The following PTPRD variants were observed in gnomAD, a reference collection of about 807,000 sequenced individuals.
PTPRD encodes the protein receptor-type tyrosine-protein phosphatase delta.
Under a neutral mutation model 214.5 loss-of-function variants are expected in PTPRD, and 34 were observed. The observed-to-expected ratio is 0.16, with a 90% confidence interval of 0.12 to 0.21. The LOEUF (loss-of-function observed/expected upper bound fraction) is 0.21. PTPRD is among the 10% of genes least tolerant of loss of function. The pLI, the probability that PTPRD is intolerant of heterozygous loss-of-function variation, is 1.00. For synonymous variants in PTPRD, 1,128 were observed against 845.7 expected, an observed-to-expected ratio of 1.33 and a Z score of -5.79; for missense variants, 2,545 against 2,398.7, an observed-to-expected ratio of 1.06 and a Z score of -1.27.
chr9:10,257,174 A>G (rs536642446), intron 3 of PTPRD, among the ~76,000 whole-genome samples: 1 of 152,360 alleles, frequency 6.6e-6, no homozygotes, highest in South Asian at 2.1e-4. Flanking sequence ...TGAAGAACTT[A>G]ACATATACTG....
rs148112287 is a variant in PTPRD, at chr9:10,072,606, C to T, written c.-544-38816G>A. 2.4e-3 allele frequency among the ~76,000 whole-genome samples: 365 copies of T among 152,196 alleles called. 1 individual carries two copies. Among genetic ancestry groups the T allele is most frequent in the Non-Finnish European group, 2.6e-3 (180 of 68,004 alleles). ...TCCCCTCCCATGTTCCATTTTTGTC[C>T]TATCAGAGTGCCCTTTTTCCAATCC... On this transcript the variant is annotated intron_variant, in intron 3 of 45. Transcript: ENST00000381196.
intron 9 of PTPRD, among the ~76,000 whole-genome samples, chr9:9,347,996 C>T (rs1156840311): frequency 1.3e-5 from 2 of 152,126 alleles, no homozygotes; most frequent in Non-Finnish European, 2.9e-5. Flanking sequence ...GAGAGTATGT[C>T]ACCAAATTTT....
At chr9:9,559,433 G>A (rs755308826) in intron 8 of PTPRD, among the ~76,000 whole-genome samples, 5 of 152,198 alleles carry the variant, frequency 3.3e-5, no homozygotes, top group Non-Finnish European at 7.3e-5. Flanking sequence ...GCATTGTTTA[G>A]GCCCTAGCCA....
At chr9:8,928,559 T>C (rs1385686419) in intron 11 of PTPRD, among the ~76,000 whole-genome samples, 1 of 150,728 alleles carries the variant, frequency 6.6e-6, no homozygotes, top group Non-Finnish European at 1.5e-5. Flanking sequence ...TCCGTTGGTC[T>C]ATATCTCTGT....
intron 8 of PTPRD, among the ~76,000 whole-genome samples, chr9:9,402,364 A>C (rs2070997216): frequency 6.6e-6 from 1 of 152,128 alleles, no homozygotes. Context: ...TCTCCTAAAA[A>C]TCTGTCACAA....
chr9:9,523,866 C>T (rs2097055302), intron 8 of PTPRD, among the ~76,000 whole-genome samples: 1 of 152,078 alleles, frequency 6.6e-6, no homozygotes, highest in Non-Finnish European at 1.5e-5. Context: ...CCCATTACCC[C>T]GTGTCCTTTC....
chr9:10,564,168 A>ACTCTTTTTTTTTTTTT (rs2064896205), intron 2 of PTPRD, among the ~76,000 whole-genome samples: 3 of 11,876 alleles, frequency 2.5e-4, no homozygotes, highest in South Asian at 2.6e-3. Context: ...ACACTAGGCT[A>ACTCTTTTTTTTTTTTT]TTCTTTTTTT....
chr9:9,084,619 A>C (rs935369575), intron 10 of PTPRD, among the ~76,000 whole-genome samples: 1 of 152,140 alleles, frequency 6.6e-6, no homozygotes, highest in African/African-American at 2.4e-5. Context: ...AAGGACTGTA[A>C]ATGAATGGGA....
intron 3 of PTPRD, among the ~76,000 whole-genome samples, chr9:10,202,927 T>G (rs1215746736): frequency 1.3e-5 from 2 of 151,804 alleles, no homozygotes; most frequent in African/African-American, 4.8e-5. Flanking sequence ...TACCTTGATC[T>G]TGGACCACCT....
chr9:9,332,974 G>C (rs564930449), intron 9 of PTPRD, among the ~76,000 whole-genome samples: 19 of 152,102 alleles, frequency 1.2e-4, no homozygotes, highest in African/African-American at 4.3e-4. Context: ...GTGATCTAAA[G>C]TGATTGTTAG....
chr9:8,957,879 G>C (rs1196356588), intron 11 of PTPRD, among the ~76,000 whole-genome samples: 1 of 151,252 alleles, frequency 6.6e-6, no homozygotes, highest in African/African-American at 2.4e-5. Context: ...AAACAGAAAA[G>C]AATGCTATAG....
chr9:10,491,569 G>T (rs187887864), intron 2 of PTPRD, among the ~76,000 whole-genome samples: 23 of 151,456 alleles, frequency 1.5e-4, no homozygotes, highest in Admixed American at 1.3e-3. Context: ...AATTATAAAG[G>T]GCCAAATGAG....
intron 8 of PTPRD, among the ~76,000 whole-genome samples, chr9:9,497,228 A>G (rs2096234509): frequency 6.6e-6 from 1 of 152,214 alleles, no homozygotes; most frequent in African/African-American, 2.4e-5. Context: ...GTACACTTAA[A>G]AATGGTTAGG....
chr9:9,096,486 G>A (rs2099783678), intron 10 of PTPRD, among the ~76,000 whole-genome samples: 2 of 152,106 alleles, frequency 1.3e-5, no homozygotes, highest in Admixed American at 1.3e-4. Flanking sequence ...AGACATTTTT[G>A]TGTTCCATGA....
At chr9:10,243,872 A>AT (rs1169741762) in intron 3 of PTPRD, among the ~76,000 whole-genome samples, 47 of 150,878 alleles carry the variant, frequency 3.1e-4, no homozygotes, top group East Asian at 2.3e-3. Flanking sequence ...TGGATTAATC[A>AT]TTTTTTTTTC....
At chr9:10,059,188 C>G (rs2097711636) in intron 3 of PTPRD, among the ~76,000 whole-genome samples, 1 of 152,038 alleles carries the variant, frequency 6.6e-6, no homozygotes, top group Admixed American at 6.6e-5. Context: ...CCAGCTGAGT[C>G]TCAAGAGTGA....
intron 3 of PTPRD, among the ~76,000 whole-genome samples, chr9:10,158,883 T>A (rs960196350): frequency 2.6e-5 from 4 of 152,154 alleles, no homozygotes; most frequent in African/African-American, 9.7e-5. Flanking sequence ...TCCCTAAGGA[T>A]ATCCAGAGAC....
intron 34 of PTPRD, among the ~76,000 whole-genome samples, chr9:8,445,929 A>G (rs2095707876): frequency 6.6e-6 from 1 of 152,166 alleles, no homozygotes; most frequent in Non-Finnish European, 1.5e-5. Context: ...TGACTTCAGA[A>G]TGAGAAGATA....
intron 12 of PTPRD, among the ~76,000 whole-genome samples, chr9:8,683,752 C>A (rs1409440823): frequency 6.6e-6 from 1 of 152,166 alleles, no homozygotes; most frequent in South Asian, 2.1e-4. Context: ...ATGTGAGTTC[C>A]CAGCTAAGTC....
Sources: allele counts gnomAD v4.1 joint callset (sites outside exome capture counted in the v4.1 genomes callset), GRCh38; gene constraint gnomAD v4.1.1; transcripts MANE v1.5; gene names NCBI Gene and HGNC (gene_info 2026-07-23, HGNC 2026-07-21).